GLG1: variants seen among roughly 807,000 people sequenced by gnomAD.
GLG1 encodes Golgi apparatus protein 1.
A neutral mutation model predicts 160.5 loss-of-function variants in GLG1; 38 were observed. That is an observed-to-expected ratio of 0.24 (90% CI 0.18 to 0.31). The LOEUF is 0.31. Among genes scored for constraint, GLG1 ranks in the 10% least tolerant of loss-of-function variants. The pLI, the probability that GLG1 is intolerant of heterozygous loss-of-function variation, is 1.00. For synonymous variants in GLG1, 644 were observed against 543.4 expected (o/e 1.19, Z -2.57); for missense variants, 1,373 against 1,505.2 (o/e 0.91, Z 1.45).
intron 5 of GLG1, among the ~76,000 whole-genome samples, chr16:74,495,626 G>A (rs2016157390): frequency 6.6e-6 from 1 of 152,146 alleles, no homozygotes; most frequent in Non-Finnish European, 1.5e-5. Context: ...CAAGGATTTG[G>A]TTTTAAAGAT....
At chr16:74,514,400 G>A (rs568756926) in intron 2 of GLG1, among the ~76,000 whole-genome samples, 2 of 152,266 alleles carry the variant, frequency 1.3e-5, no homozygotes, top group Admixed American at 1.3e-4. Flanking sequence ...GAAAGGTCGG[G>A]TTACCCACAA....
chr16:74,599,151 A>C (rs1958378309), intron 1 of GLG1, among the ~76,000 whole-genome samples: 1 of 152,184 alleles, frequency 6.6e-6, no homozygotes, highest in African/African-American at 2.4e-5. Context: ...TTTACAGGTA[A>C]TTCTCAATTA....
At chr16:74,469,794 G>A in intron 16 of GLG1, 191 bp downstream of exon 16, 1 of 589,186 alleles carries the variant, frequency 1.7e-6, no homozygotes, top group Non-Finnish European at 3.0e-6. Context: ...ACCTCCATGT[G>A]AGAACTACCA....
Position 74,464,391 on chromosome 16 carries a change from G to T in GLG1, c.2668-912C>A, listed in dbSNP as rs1401364966. Among the ~76,000 whole-genome samples, 4 of 152,198 alleles carry T rather than the reference G, an allele frequency of 2.6e-5. No homozygotes were observed. In the South Asian group the frequency reaches 8.3e-4, roughly 31 times the overall value. On this transcript the variant is annotated intron_variant, in intron 19 of 25. Coordinates refer to ENST00000422840, the MANE Select transcript of GLG1 (RefSeq NM_001145667.2). ...TACAGGGCTATAATCCTACCAAGCA[G>T]TAAAGGGTAGGGTCCTGTACACTTA...
At chr16:74,489,599 G>C (rs1272435383) in intron 8 of GLG1, among the ~76,000 whole-genome samples, 1 of 152,148 alleles carries the variant, frequency 6.6e-6, no homozygotes, top group East Asian at 1.9e-4. Context: ...GACCCACACT[G>C]GCACAGAGGT....
intron 23 of GLG1, among the ~76,000 whole-genome samples, chr16:74,458,531 T>C (rs577388249): frequency 7.2e-5 from 11 of 152,028 alleles, no homozygotes; most frequent in African/African-American, 2.7e-4. Context: ...AAAAAAAAAT[T>C]AGCTGGGCAT....
intron 1 of GLG1, among the ~76,000 whole-genome samples, chr16:74,593,770 T>C (rs1458674563): frequency 2.0e-5 from 3 of 152,104 alleles, no homozygotes; most frequent in Non-Finnish European, 4.4e-5. Context: ...TTTCTTTTGC[T>C]GTCATTTGTT....
chr16:74,532,009 A>T, intron 2 of GLG1, 112 bp downstream of exon 2: 1 of 480,048 alleles, frequency 2.1e-6, no homozygotes, highest in Non-Finnish European at 3.8e-6. Context: ...TCCTTTTAAG[A>T]TTAAGACTGT....
At chr16:74,495,132 T>TA (rs1420809774) in intron 5 of GLG1, among the ~76,000 whole-genome samples, 2 of 129,816 alleles carry the variant, frequency 1.5e-5, no homozygotes, top group African/African-American at 2.9e-5. Flanking sequence ...TTTTTTGAGA[T>TA]AGAGTCAGTC....
intron 1 of GLG1, among the ~76,000 whole-genome samples, chr16:74,606,147 G>A (rs1344103020): frequency 1.3e-5 from 2 of 152,158 alleles, no homozygotes; most frequent in African/African-American, 4.8e-5. Context: ...CTGACCAAAG[G>A]AAGTGAAGAA....
At chr16:74,458,018 A>T in intron 23 of GLG1, 24 bp from the exon 24 acceptor site, 1 of 1,611,920 alleles carries the variant, frequency 6.2e-7, no homozygotes, top group Non-Finnish European at 8.5e-7. Flanking sequence ...GTCATTGCAG[A>T]CAGAGCTTTT....
chr16:74,515,769 T>G (rs1266109356), intron 2 of GLG1, among the ~76,000 whole-genome samples: 1 of 151,024 alleles, frequency 6.6e-6, no homozygotes, highest in Non-Finnish European at 1.5e-5. Flanking sequence ...GGATAAAGAG[T>G]CAAGACCCAT....
intron 1 of GLG1, among the ~76,000 whole-genome samples, chr16:74,601,775 C>T (rs1958445550): frequency 6.6e-6 from 1 of 152,074 alleles, no homozygotes; most frequent in Non-Finnish European, 1.5e-5. Flanking sequence ...TTCTTGTGTC[C>T]CATTTAGCAT....
chr16:74,566,505 A>G (rs2018658139), intron 1 of GLG1, among the ~76,000 whole-genome samples: 1 of 152,022 alleles, frequency 6.6e-6, no homozygotes, highest in Non-Finnish European at 1.5e-5. Flanking sequence ...AGAGCTCTCC[A>G]TTGTCATCTT....
chr16:74,470,618 T>C (rs999024202), intron 15 of GLG1, among the ~76,000 whole-genome samples: 1 of 151,416 alleles, frequency 6.6e-6, no homozygotes, highest in African/African-American at 2.4e-5. Context: ...CAGGCTAATT[T>C]TGTATTTTTT....
rs143052636 is a variant in GLG1, at chr16:74,480,511, C to A, written c.1674-117G>T. On this transcript the variant is annotated intron_variant, in intron 10 of 25. Transcript: ENST00000422840. The stretch of plus-strand genomic sequence containing the variant: ...ACTCATTGATAATCACTTCCAGGGG[C>A]GTGGAGACAGAAGATATGTAAAAGT... 2,832 of 633,252 alleles carry A rather than the reference C, an allele frequency of 4.5e-3. 41 individuals carry two copies. The highest frequency in any genetic ancestry group is 2.2e-3 in the Non-Finnish European group (802 of 372,142). The allele number at this position is 633,252 out of a possible 1,614,324, so 39.2% of individuals were successfully genotyped here.
chr16:74,533,452 G>A (rs2017602076), intron 1 of GLG1, among the ~76,000 whole-genome samples: 1 of 152,184 alleles, frequency 6.6e-6, no homozygotes, highest in Non-Finnish European at 1.5e-5. Context: ...TGCCTTCAAA[G>A]GAGACACAAC....
At chr16:74,509,488 C>T (rs1003228222) in intron 2 of GLG1, among the ~76,000 whole-genome samples, 1 of 151,828 alleles carries the variant, frequency 6.6e-6, no homozygotes, top group Admixed American at 6.6e-5. Flanking sequence ...TTTCATAGAT[C>T]GGTTTCATGG....
intron 4 of GLG1, among the ~76,000 whole-genome samples, chr16:74,502,849 C>T (rs1211027700): frequency 6.7e-6 from 1 of 148,820 alleles, no homozygotes; most frequent in Admixed American, 6.8e-5. Flanking sequence ...GGATTACAGG[C>T]ATGAGCCACC....
Sources: allele counts gnomAD v4.1 joint callset (sites outside exome capture counted in the v4.1 genomes callset), GRCh38; gene constraint gnomAD v4.1.1; transcripts MANE v1.5; gene names NCBI Gene and HGNC (gene_info 2026-07-23, HGNC 2026-07-21).